ARIH1: variants seen among roughly 807,000 people sequenced by gnomAD.
ARIH1 encodes ariadne RBR E3 ubiquitin protein ligase 1, also known as E3 ubiquitin-protein ligase ARIH1.
Under a neutral mutation model 85.0 loss-of-function variants are expected in ARIH1, and 8 were observed. The ratio of observed to expected loss-of-function variants is 0.09; its 90% CI spans 0.06 to 0.17. ARIH1 has a LOEUF of 0.17. Ranked by LOEUF, ARIH1 falls within the 10% of genes least tolerant of loss-of-function variation. The pLI is 1.00. For missense variants in ARIH1, 311 were observed against 718.1 expected, an observed-to-expected ratio of 0.43 and a Z score of 6.48; for synonymous variants, 238 against 253.6, an observed-to-expected ratio of 0.94 and a Z score of 0.59.
At chr15:72,504,827 T>G (rs902837721) in intron 1 of ARIH1, among the ~76,000 whole-genome samples, 1 of 152,156 alleles carries the variant, frequency 6.6e-6, no homozygotes, top group Admixed American at 6.5e-5. Flanking sequence ...GCCTCTATCA[T>G]TGAACTTCAG....
intron 2 of ARIH1, among the ~76,000 whole-genome samples, chr15:72,521,732 A>G (rs573050163): frequency 6.6e-6 from 1 of 152,018 alleles, no homozygotes; most frequent in Admixed American, 6.6e-5. Context: ...TATTTTTAGT[A>G]GAGAGAGGGT....
At chr15:72,561,073 A>G (rs1191282659) in intron 5 of ARIH1, among the ~76,000 whole-genome samples, 1 of 152,162 alleles carries the variant, frequency 6.6e-6, no homozygotes, top group Non-Finnish European at 1.5e-5. Flanking sequence ...TGGCAACAAT[A>G]TCTGTCTCAT....
At position 72,597,993 on chromosome 15, in the gene ARIH1, T is replaced by A. The variant is rs1485338404; in HGVS notation, c.*14701T>A. Reference sequence around the variant, plus strand: ...TTATTTTGAGACAGGGTCTCACTCTTACCCAGCCTGGAGTACAGCCTGTAG... The same window carrying A: ...TTATTTTGAGACAGGGTCTCACTCTAACCCAGCCTGGAGTACAGCCTGTAG... On this transcript the variant is annotated 3_prime_UTR_variant, in exon 14 of 14. Coordinates refer to ENST00000379887, the MANE Select transcript of ARIH1 (RefSeq NM_005744.5). 6.6e-6 allele frequency: 1 copy of A among 152,276 alleles called. No individual in the cohort carries two copies. Among genetic ancestry groups the A allele is most frequent in the African/African-American group, 2.4e-5 (1 of 41,440 alleles). 9.4% of individuals were successfully genotyped at this position (152,276 alleles called of 1,614,324 possible). A position where few individuals can be genotyped will look rare whatever the true frequency, so the allele number is the denominator to read the frequency against.
chr15:72,539,371 A>G (rs188434044), intron 2 of ARIH1, among the ~76,000 whole-genome samples: 1 of 152,320 alleles, frequency 6.6e-6, no homozygotes, highest in East Asian at 1.9e-4. Context: ...GTCTTAGGAA[A>G]TTAAACATAA....
chr15:72,577,063 A>G (rs1595874654), intron 11 of ARIH1, among the ~76,000 whole-genome samples: 2 of 151,528 alleles, frequency 1.3e-5, no homozygotes, highest in Non-Finnish European at 1.5e-5. Context: ...GCTCCCTGCA[A>G]CCTCCACCTC....
chr15:72,519,406 G>C (rs2063988809), intron 2 of ARIH1, among the ~76,000 whole-genome samples: 1 of 149,384 alleles, frequency 6.7e-6, no homozygotes, highest in South Asian at 2.1e-4. Context: ...GCTTTCCCAT[G>C]GTTCATGAAG....
At chr15:72,565,236 A>G (rs2064214193) in intron 7 of ARIH1, among the ~76,000 whole-genome samples, 1 of 151,672 alleles carries the variant, frequency 6.6e-6, no homozygotes, top group Admixed American at 6.6e-5. Context: ...TTATTTATTT[A>G]TTTATTTGTT....
At chr15:72,554,277 T>C (rs2064165516) in intron 3 of ARIH1, among the ~76,000 whole-genome samples, 1 of 152,202 alleles carries the variant, frequency 6.6e-6, no homozygotes, top group Non-Finnish European at 1.5e-5. Flanking sequence ...ATGTTTAATA[T>C]TTTGAGGAAC....
At chr15:72,510,176 G>T (rs1173059965) in intron 1 of ARIH1, among the ~76,000 whole-genome samples, 1 of 152,050 alleles carries the variant, frequency 6.6e-6, no homozygotes, top group Non-Finnish European at 1.5e-5. Context: ...TAGGTTTTTA[G>T]ATTTTTAAAA....
At position 72,593,669 on chromosome 15, in the gene ARIH1, A is replaced by G. The variant is rs1348549521; in HGVS notation, c.*10377A>G. ...ATTTTCTGTTCTGTTCCATTAATCT[A>G]TTTGTGTATCCTTACATCAGTACCA... is the stretch of plus-strand genomic sequence containing the variant. On this transcript the variant is annotated 3_prime_UTR_variant, in exon 14 of 14. Transcript: ENST00000379887. The G allele has an allele frequency of 2.6e-5, 4 of 152,180 alleles. No individual in the cohort carries two copies. Among genetic ancestry groups the G allele is most frequent in the Admixed American group, 2.0e-4 (3 of 15,274 alleles). 9.4% of individuals were successfully genotyped at this position (152,180 alleles called of 1,614,324 possible).
At chr15:72,540,800 C>T (rs955434565) in intron 2 of ARIH1, among the ~76,000 whole-genome samples, 5 of 152,124 alleles carry the variant, frequency 3.3e-5, no homozygotes, top group Non-Finnish European at 7.3e-5. Context: ...AACTGCTGTG[C>T]ACCAGCCTGG....
intron 6 of ARIH1, among the ~76,000 whole-genome samples, chr15:72,561,922 G>A (rs1357191985): frequency 6.6e-6 from 1 of 152,178 alleles, no homozygotes; most frequent in East Asian, 1.9e-4. Context: ...GCAGTGAGCC[G>A]AGATGGCGCC....
intron 1 of ARIH1, among the ~76,000 whole-genome samples, chr15:72,493,068 A>G (rs1595851380): frequency 6.6e-6 from 1 of 152,038 alleles, no homozygotes; most frequent in African/African-American, 2.4e-5. Flanking sequence ...TTAAATGTCT[A>G]CTCTGGCTAA....
chr15:72,500,632 A>G lies in ARIH1; in HGVS notation c.376-17435A>G, dbSNP rs367600878. Among the ~76,000 whole-genome samples, 5 of 152,346 alleles carry G rather than the reference A, an allele frequency of 3.3e-5. No individual in the cohort carries two copies. In the East Asian group the frequency reaches 9.6e-4, roughly 29 times the overall value. ...AATGGATATAACTTAAAATAATGATAAGTTATGGAAGAAAGATTGAGAGGT... is the reference window on the plus strand; with the variant it reads ...AATGGATATAACTTAAAATAATGATGAGTTATGGAAGAAAGATTGAGAGGT... On this transcript the variant is annotated intron_variant, in intron 1 of 13. Transcript: ENST00000379887.
chr15:72,521,305 CAT>C (rs925985297), intron 2 of ARIH1, among the ~76,000 whole-genome samples: 3 of 144,644 alleles, frequency 2.1e-5, no homozygotes, highest in African/African-American at 7.7e-5. Context: ...AATTGTTTCA[CAT>C]GTGACAAACT....
chr15:72,561,159 A>G (rs1473397478), intron 5 of ARIH1, among the ~76,000 whole-genome samples: 6 of 152,218 alleles, frequency 3.9e-5, no homozygotes, highest in Non-Finnish European at 4.4e-5. Context: ...ATATGATATC[A>G]GAGTCAAAAG....
At chr15:72,493,148 G>A (rs753330692) in intron 1 of ARIH1, among the ~76,000 whole-genome samples, 3 of 152,080 alleles carry the variant, frequency 2.0e-5, no homozygotes, top group South Asian at 2.1e-4. Flanking sequence ...TCTTCCTGTA[G>A]CTTTTTACCT....
In ARIH1 at chr15:72,572,184, G is replaced by T; in HGVS notation, c.1215+19G>T. 2 of 1,553,878 alleles carry T rather than the reference G, an allele frequency of 1.3e-6. No homozygotes were observed. Among genetic ancestry groups the T allele is most frequent in the Non-Finnish European group, 1.8e-6 (2 of 1,131,240 alleles). Reference sequence around the variant, plus strand: ...ACAGGAGGTAAGTATATGTATAACAGGACAATAGTTGACTAAGAATGCACG... The same window carrying T: ...ACAGGAGGTAAGTATATGTATAACATGACAATAGTTGACTAAGAATGCACG... On this transcript the variant is annotated intron_variant, in intron 11 of 13. Coordinates refer to ENST00000379887, the MANE Select transcript of ARIH1 (RefSeq NM_005744.5).
chr15:72,526,174 C>T (rs1442143211), intron 2 of ARIH1, among the ~76,000 whole-genome samples: 1 of 152,074 alleles, frequency 6.6e-6, no homozygotes, highest in African/African-American at 2.4e-5. Context: ...AAATCTTATC[C>T]TAGTTAAAAT....
Sources: gnomAD v4.1 joint callset for allele counts (sites outside exome capture counted in the v4.1 genomes callset) on GRCh38, gnomAD v4.1.1 for gene constraint, MANE v1.5 for transcripts, NCBI Gene and HGNC (gene_info 2026-07-23, HGNC 2026-07-21) for gene names.